Variants in GABRG3 observed in about 807,000 individuals in gnomAD.
GABRG3 encodes the protein gamma-aminobutyric acid type A receptor subunit gamma3.
GABRG3 carries 25 observed loss-of-function variants against 48.8 expected under a neutral mutation model. That is an observed-to-expected ratio of 0.51 (90% CI 0.37 to 0.72). The LOEUF (loss-of-function observed/expected upper bound fraction) is 0.72, where lower values mean the gene tolerates loss of function less well. GABRG3 is among the 30% of genes least tolerant of loss of function. The pLI is 0.00. For missense variants in GABRG3, 394 were observed against 577.9 expected (o/e 0.68, Z 3.26); for synonymous variants, 227 against 217.6 (o/e 1.04, Z -0.38).
intron 3 of GABRG3, among the ~76,000 whole-genome samples, chr15:27,028,017 T>C (rs1246542208): frequency 6.6e-6 from 1 of 152,244 alleles, no homozygotes; most frequent in African/African-American, 2.4e-5. Context: ...TTTCAGGAAG[T>C]CAATTGCATT....
At chr15:27,394,299 A>G (rs1278963905) in intron 5 of GABRG3, among the ~76,000 whole-genome samples, 1 of 152,182 alleles carries the variant, frequency 6.6e-6, no homozygotes, top group African/African-American at 2.4e-5. Context: ...CCATAAAGCA[A>G]TCCAGCTCAA....
At chr15:27,176,028 GA>G (rs11415524) in intron 3 of GABRG3, among the ~76,000 whole-genome samples, 2,428 of 135,300 alleles carry the variant, frequency 0.018, 29 homozygotes, top group Admixed American at 0.023. Flanking sequence ...AGTATGCTGG[GA>G]AAAAAAAAAA....
At chr15:27,391,407 TAGA>T (rs1467647362) in intron 5 of GABRG3, among the ~76,000 whole-genome samples, 2 of 152,128 alleles carry the variant, frequency 1.3e-5, no homozygotes, top group Admixed American at 1.3e-4. Flanking sequence ...AGTGGTAATG[TAGA>T]ACTACAAAAG....
chr15:27,377,959 G>A (rs1284429240), intron 5 of GABRG3, among the ~76,000 whole-genome samples: 3 of 152,164 alleles, frequency 2.0e-5, no homozygotes, highest in Non-Finnish European at 4.4e-5. Context: ...GCAAGTGAGT[G>A]ATCATACAGC....
chr15:27,500,593 C>G (rs1001822025), intron 6 of GABRG3, among the ~76,000 whole-genome samples: 16 of 152,218 alleles, frequency 1.1e-4, no homozygotes, highest in African/African-American at 3.9e-4. Flanking sequence ...CCTTATATTC[C>G]CAGCCCCTAA....
chr15:27,507,782 C>A (rs975538466), intron 6 of GABRG3, among the ~76,000 whole-genome samples: 1 of 152,076 alleles, frequency 6.6e-6, no homozygotes, highest in Admixed American at 6.5e-5. Context: ...ATATTTATTT[C>A]TTTGTGTCTG....
chr15:27,102,526 C>G (rs907399549), intron 3 of GABRG3, among the ~76,000 whole-genome samples: 8 of 152,128 alleles, frequency 5.3e-5, no homozygotes, highest in African/African-American at 1.7e-4. Context: ...TTTTGGCTCA[C>G]TGGGTGAGAG....
intron 5 of GABRG3, among the ~76,000 whole-genome samples, chr15:27,389,500 G>T (rs1386392776): frequency 6.6e-6 from 1 of 152,166 alleles, no homozygotes; most frequent in Non-Finnish European, 1.5e-5. Context: ...GGGTTATTTT[G>T]ATAAATAAAG....
chr15:27,002,789 G>T (rs1895477454), intron 2 of GABRG3, among the ~76,000 whole-genome samples: 1 of 145,890 alleles, frequency 6.9e-6, no homozygotes, highest in African/African-American at 2.6e-5. Context: ...AGGAAAGAAG[G>T]AAAGAGAGAA....
At position 27,264,815 on chromosome 15, in the gene GABRG3, G is replaced by A. The variant is rs185291339; in HGVS notation, c.271-61994G>A. Among the ~76,000 whole-genome samples, 204 of 151,546 alleles carry A rather than the reference G, an allele frequency of 1.3e-3. 2 individuals are homozygous for A. The Middle Eastern group carries it at 0.041, about 31-fold the overall frequency. ...TTAATTCTTTTATACCTTTTATATCGTCTCTCCCTCTTTCCTCACTCTATT... is the reference window on the plus strand; with the variant it reads ...TTAATTCTTTTATACCTTTTATATCATCTCTCCCTCTTTCCTCACTCTATT... On this transcript the variant is annotated intron_variant, in intron 3 of 9. Coordinates refer to ENST00000615808, the MANE Select transcript of GABRG3 (RefSeq NM_033223.5).
At chr15:27,341,052 T>G in intron 5 of GABRG3, 1 of 469,552 alleles carries the variant, frequency 2.1e-6, no homozygotes, top group Non-Finnish European at 4.2e-6. Flanking sequence ...GCCTGAAAGC[T>G]TCTTCAAACT....
At chr15:27,252,499 C>T (rs992857022) in intron 3 of GABRG3, among the ~76,000 whole-genome samples, 11 of 152,352 alleles carry the variant, frequency 7.2e-5, no homozygotes, top group African/African-American at 2.6e-4. Flanking sequence ...TCGGTCAGAA[C>T]ATGATGCATC....
intron 3 of GABRG3, among the ~76,000 whole-genome samples, chr15:27,064,174 C>T (rs1044611449): frequency 1.3e-5 from 2 of 152,180 alleles, no homozygotes; most frequent in African/African-American, 2.4e-5. Context: ...CGCAGCCTCT[C>T]CCCAGGAGGG....
chr15:27,364,074 T>TACGGAAACACAAGGTATCATGG (rs1392793942), intron 5 of GABRG3: 1 of 152,246 alleles, frequency 6.6e-6, no homozygotes, highest in African/African-American at 2.4e-5. Flanking sequence ...GGACAGTCAC[T>TACGGAAACACAAGGTATCATGG]ACCGAAACAC....
chr15:27,155,004 C>T (rs1455186932), intron 3 of GABRG3, among the ~76,000 whole-genome samples: 3 of 151,976 alleles, frequency 2.0e-5, no homozygotes, highest in Admixed American at 2.0e-4. Context: ...TTCCATTCTT[C>T]CTGGACTTCC....
intron 2 of GABRG3, among the ~76,000 whole-genome samples, chr15:27,015,804 T>C (rs989594552): frequency 1.3e-5 from 2 of 152,186 alleles, no homozygotes; most frequent in African/African-American, 4.8e-5. Context: ...TCTATTAAAC[T>C]GATAACTTCA....
chr15:27,316,242 GC>G lies in GABRG3; in HGVS notation c.271-10565del, dbSNP rs1893211105. Among the ~76,000 whole-genome samples the G allele has an allele frequency of 2.0e-5, 3 of 151,990 alleles. No homozygotes were observed. In the South Asian group the frequency reaches 6.2e-4, roughly 32 times the overall value. On this transcript the variant is annotated intron_variant, in intron 3 of 9. Coordinates refer to ENST00000615808, the MANE Select transcript of GABRG3 (RefSeq NM_033223.5). ...CTCTACTAAAAATACAAAAAAATTA[GC>G]CGGGCCTAGTGGCGGGCGCCTGTAG...
intron 2 of GABRG3, among the ~76,000 whole-genome samples, chr15:27,017,372 G>A (rs1454563883): frequency 1.3e-5 from 2 of 152,144 alleles, no homozygotes; most frequent in Non-Finnish European, 2.9e-5. Context: ...CCTGTTTGTG[G>A]TACTGCAGTT....
intron 3 of GABRG3, among the ~76,000 whole-genome samples, chr15:27,078,799 T>C (rs1031630912): frequency 2.0e-5 from 3 of 152,242 alleles, no homozygotes; most frequent in East Asian, 1.9e-4. Flanking sequence ...CAGTGTTGGG[T>C]TGGATGCTGT....
Sources: allele counts gnomAD v4.1 joint callset (sites outside exome capture counted in the v4.1 genomes callset), GRCh38; gene constraint gnomAD v4.1.1; transcripts MANE v1.5; gene names NCBI Gene and HGNC (gene_info 2026-07-23, HGNC 2026-07-21).